PPP2R3B: variants seen among roughly 807,000 people sequenced by gnomAD.
PPP2R3B encodes the protein serine/threonine-protein phosphatase 2A regulatory subunit B'' subunit beta.
A neutral mutation model predicts 72.9 loss-of-function variants in PPP2R3B; 68 were observed. That is an observed-to-expected ratio of 0.93 (90% confidence interval 0.77 to 1.14). The LOEUF (loss-of-function observed/expected upper bound fraction) is 1.14. Among genes scored for constraint, PPP2R3B ranks in the 50% most tolerant of loss-of-function variants. The pLI is 0.00. For synonymous variants in PPP2R3B, 466 were observed against 375.8 expected (o/e 1.24, Z -2.78); for missense variants, 1,018 against 842.0 (o/e 1.21, Z -2.59).
intron 4 of PPP2R3B, 67 bp downstream of exon 4, chrX:347,167 G>A (rs1603056443): frequency 1.4e-4 from 12 of 82,966 alleles, no homozygotes; most frequent in Non-Finnish European, 2.5e-4. Flanking sequence ...CCTCCCATGA[G>A]GCATGCGGTG....
chrX:338,517 C>T, intron 12 of PPP2R3B, 87 bp downstream of exon 12: 1 of 1,255,450 alleles, frequency 8.0e-7, no homozygotes, highest in Non-Finnish European at 1.1e-6. Flanking sequence ...CGGCTGCACA[C>T]ACACCCGTCC....
At chrX:341,061 G>A (rs111876222) in intron 9 of PPP2R3B, 121 bp from the exon 10 acceptor site, 389,104 of 1,352,016 alleles carry the variant, frequency 0.29, 59,368 homozygotes, top group Middle Eastern at 0.32. Context: ...AGCCCCCACC[G>A]GGCGTGCAGG....
intron 1 of PPP2R3B, among the ~76,000 whole-genome samples, chrX:367,874 G>A (rs1271227961): frequency 6.6e-6 from 1 of 152,186 alleles, no homozygotes; most frequent in African/African-American, 2.4e-5. Context: ...AAAAGAGCAG[G>A]CAGACAGTAG....
intron 2 of PPP2R3B, chrX:347,977 G>A: frequency 2.4e-6 from 1 of 416,996 alleles, no homozygotes; most frequent in South Asian, 5.2e-5. Flanking sequence ...CCAGCGTCTG[G>A]AAATCAAGCG....
chrX:363,080 G>A (rs968473160), intron 1 of PPP2R3B, among the ~76,000 whole-genome samples: 10 of 152,100 alleles, frequency 6.6e-5, no homozygotes, highest in African/African-American at 2.4e-4. Context: ...CCGCCTCCGT[G>A]ACCTGGGGCA....
Position 386,748 on chromosome X carries a change from G to T in PPP2R3B, c.-57C>A. Reference sequence around the variant, plus strand: ...GCCCGCGCCCCGCCCCGCCCCGGGGGCTTCGGTCCGCCCCGGACCGACCTC... The same window carrying T: ...GCCCGCGCCCCGCCCCGCCCCGGGGTCTTCGGTCCGCCCCGGACCGACCTC... On this transcript the variant is annotated 5_prime_UTR_variant, in exon 1 of 13. Coordinates refer to ENST00000390665, the MANE Select transcript of PPP2R3B (RefSeq NM_013239.5). The T allele has an allele frequency of 1.8e-6, 2 of 1,129,904 alleles. No individual in the cohort carries two copies. Among genetic ancestry groups the T allele is most frequent in the Non-Finnish European group, 2.2e-6 (2 of 909,680 alleles). The allele number at this position is 1,129,904 out of a possible 1,614,324, so 70.0% of individuals were successfully genotyped here.
rs777050149 is a variant in PPP2R3B at position 347,553 on chromosome X, C to T, written c.614+37G>A. 15 of 1,548,144 alleles carry T rather than the reference C, an allele frequency of 9.7e-6. No homozygotes were observed. The South Asian group carries it at 1.8e-4, about 18-fold the overall frequency. ...CACGGGGACCCGGGGACGCCTCCGC[C>T]CTCCCGACACAGCCCCCTGCCCAGC... On this transcript the variant is annotated intron_variant, in intron 3 of 12. Transcript: ENST00000390665.
At chrX:378,964 TACA>T (rs1428391782) in intron 1 of PPP2R3B, among the ~76,000 whole-genome samples, 1 of 152,264 alleles carries the variant, frequency 6.6e-6, no homozygotes, top group East Asian at 1.9e-4. Context: ...GCTTTTGTCT[TACA>T]ACATGTTTGT....
At chrX:345,048 G>A (rs1203906437) in intron 7 of PPP2R3B, 1 of 390,176 alleles carries the variant, frequency 2.6e-6, no homozygotes. Flanking sequence ...GCTGCTGTGA[G>A]GACACCTGGG....
In PPP2R3B at chrX:386,510, G is replaced by A. The variant is rs759360833; in HGVS notation, c.182C>T (p.Ala61Val). 2.2e-6 allele frequency: 3 copies of A among 1,339,404 alleles called. No individual in the cohort carries two copies. Among genetic ancestry groups the A allele is most frequent in the Non-Finnish European group, 2.9e-6 (3 of 1,043,128 alleles). 83.0% of individuals were successfully genotyped at this position (1,339,404 alleles called of 1,614,324 possible). Residue 61 changes from alanine (A) to valine (V), a missense_variant, in exon 1 of 13, where the codon GCC becomes GTC. By Grantham distance (64) the Ala-to-Val change is moderately conservative (BLOSUM62 0). Transcript: ENST00000390665. ...GCTGGGCCGGGGGGCGGCGAGCGGG[G>A]CTGTGGGCCAGGCCCCGGGCTGCTC... Reference protein sequence around the residue: ...DGEQPGAWPTAPLAAPRPSGL... With the variant: ...DGEQPGAWPTVPLAAPRPSGL...
chrX:340,989 C>T lies in PPP2R3B; in HGVS notation c.1176-49G>A, dbSNP rs186932276. ...GCCCCTGCCCTGGGCCCTCCCAGCC[C>T]GTGACCTGCAGCCCCTGAGGCAGCC... On this transcript the variant is annotated intron_variant, in intron 9 of 12. Transcript: ENST00000390665. 7.6e-3 allele frequency: 12,095 copies of T among 1,593,620 alleles called. 62 individuals are homozygous for T. Among genetic ancestry groups the T allele is most frequent in the Non-Finnish European group, 8.9e-3 (10,424 of 1,168,098 alleles).
chrX:338,914 C>T lies in PPP2R3B; in HGVS notation c.1352-18G>A, dbSNP rs372880028. 1.4e-5 allele frequency: 22 copies of T among 1,604,590 alleles called. No individual in the cohort carries two copies. The highest frequency in any genetic ancestry group is 5.5e-5 in the South Asian group (5 of 90,908). On this transcript the variant is annotated intron_variant, in intron 10 of 12. Coordinates refer to ENST00000390665, the MANE Select transcript of PPP2R3B (RefSeq NM_013239.5). ...GATCTTCCCTGCGGGGAGGGGAGTG[C>T]GTCCAAGGCGCGTGAGCCCGGTCTC...
rs191354287 is a variant in PPP2R3B at position 363,084 on chromosome X, T to C, written c.325-1494A>G. Among the ~76,000 whole-genome samples the C allele has an allele frequency of 2.0e-5, 3 of 152,196 alleles. 1 individual carries two copies. The highest frequency in any genetic ancestry group is 7.2e-5 in the African/African-American group (3 of 41,514). On this transcript the variant is annotated intron_variant, in intron 1 of 12. Coordinates refer to ENST00000390665, the MANE Select transcript of PPP2R3B (RefSeq NM_013239.5). ...AGGAACAGAGGCCGCCTCCGTGACC[T>C]GGGGCAGAGCAGGCTTCCCGCAGTA... is the stretch of plus-strand genomic sequence containing the variant.
Position 346,656 on chromosome X carries a change from C to T in PPP2R3B, c.792+45G>A, listed in dbSNP as rs770452437. 2.9e-5 allele frequency: 45 copies of T among 1,559,636 alleles called. No individual in the cohort carries two copies. In the Admixed American group the frequency reaches 7.7e-4, roughly 27 times the overall value. Reference sequence around the variant, plus strand: ...CCCGCGGCGGCCGCTGCAGAAACACCCGCGCCCCGCGCTGGAACCGACGGC... The same window carrying T: ...CCCGCGGCGGCCGCTGCAGAAACACTCGCGCCCCGCGCTGGAACCGACGGC... On this transcript the variant is annotated intron_variant, in intron 5 of 12. Transcript: ENST00000390665.
At chrX:367,429 C>CTT (rs113231924) in intron 1 of PPP2R3B, among the ~76,000 whole-genome samples, 23,452 of 149,022 alleles carry the variant, frequency 0.16, 2,294 homozygotes, top group African/African-American at 0.28. Flanking sequence ...GTCGACGTTC[C>CTT]TTTTTTTTTT....
intron 10 of PPP2R3B, among the ~76,000 whole-genome samples, chrX:340,523 C>A (rs2071033534): frequency 8.0e-6 from 1 of 125,750 alleles, no homozygotes; most frequent in Non-Finnish European, 1.7e-5. Context: ...GCCGTCCCCC[C>A]TCCCGTCCGT....
intron 1 of PPP2R3B, among the ~76,000 whole-genome samples, chrX:367,580 G>C (rs933701979): frequency 2.0e-5 from 3 of 152,174 alleles, no homozygotes; most frequent in Non-Finnish European, 2.9e-5. Context: ...GACATTTGTA[G>C]GATAAACAGT....
At chrX:377,968 G>A (rs1423266031) in intron 1 of PPP2R3B, among the ~76,000 whole-genome samples, 3 of 136,828 alleles carry the variant, frequency 2.2e-5, no homozygotes, top group South Asian at 2.5e-4. Context: ...GGGACGGGCC[G>A]TCTACAGTGG....
Position 341,946 on chromosome X carries a change from G to A in PPP2R3B, c.1037-15C>T, listed in dbSNP as rs755417645. The A allele has an allele frequency of 1.5e-5, 24 of 1,612,474 alleles. No individual in the cohort carries two copies. Among genetic ancestry groups the A allele is most frequent in the Admixed American group, 1.0e-4 (6 of 59,996 alleles). ...GGTAGAAAGGGCTGGAAAGGAATGCGGTTGATGGGCAGCCCGCACCGTGCC... is the reference window on the plus strand; with the variant it reads ...GGTAGAAAGGGCTGGAAAGGAATGCAGTTGATGGGCAGCCCGCACCGTGCC... On this transcript the variant is annotated splice_polypyrimidine_tract_variant and intron_variant, in intron 7 of 12. Coordinates refer to ENST00000390665, the MANE Select transcript of PPP2R3B (RefSeq NM_013239.5).
Sources: allele counts gnomAD v4.1 joint callset (sites outside exome capture counted in the v4.1 genomes callset), GRCh38; gene constraint gnomAD v4.1.1; transcripts MANE v1.5; gene names NCBI Gene and HGNC (gene_info 2026-07-23, HGNC 2026-07-21).